Variants in GNL2 observed in about 807,000 individuals in gnomAD.
The protein encoded by GNL2 is G protein nucleolar 2.
GNL2 carries 51 observed loss-of-function variants against 92.3 expected under a neutral mutation model. That is an observed-to-expected ratio of 0.55 (90% CI 0.44 to 0.70). The LOEUF is 0.70. Ranked by LOEUF, GNL2 falls within the 30% of genes least tolerant of loss-of-function variation. GNL2 has a pLI of 0.00. For synonymous variants in GNL2, 283 were observed against 300.6 expected (o/e 0.94, Z 0.61); for missense variants, 844 against 895.6 (o/e 0.94, Z 0.74).
chr1:37,585,940 C>T (rs557966633), intron 5 of GNL2, among the ~76,000 whole-genome samples: 1 of 152,228 alleles, frequency 6.6e-6, no homozygotes, highest in South Asian at 2.1e-4. Context: ...GTGGCAGCTG[C>T]CTATCAAAAA....
At chr1:37,576,597 A>C in intron 8 of GNL2, 41 bp from the exon 9 acceptor site, 2 of 1,594,982 alleles carry the variant, frequency 1.3e-6, no homozygotes, top group Non-Finnish European at 1.7e-6. Context: ...ATGCAGTCAT[A>C]TATATCCCTT....
chr1:37,594,551 C>CT (rs996414509), intron 1 of GNL2, among the ~76,000 whole-genome samples: 2 of 151,836 alleles, frequency 1.3e-5, no homozygotes, highest in Non-Finnish European at 2.9e-5. Flanking sequence ...TTATTATTAT[C>CT]TTTTTTTTGA....
Position 37,590,718 on chromosome 1 carries a change from T to A in GNL2, c.372A>T (p.Arg124=), listed in dbSNP as rs1359444388. 2 of 1,613,678 alleles carry A rather than the reference T, an allele frequency of 1.2e-6. No homozygotes were observed. The highest frequency in any genetic ancestry group is 2.2e-5 in the South Asian group (2 of 91,078). ...SKLPMSLLHD[R]IRPHNLKVHI... is the part of the protein sequence containing the mutation. The stretch of plus-strand genomic sequence containing the variant: ...TCCTACATCTTACATGAGGCCGGAT[T>A]CGATCATGGAGAAGAGACATTGGTA... The change falls in exon 4 of 16, where the codon CGA becomes CGT. Residue 124 remains arginine, a synonymous_variant. Transcript: ENST00000373062.
chr1:37,576,989 G>GT, intron 8 of GNL2, among the ~76,000 whole-genome samples: 1 of 152,204 alleles, frequency 6.6e-6, no homozygotes, highest in East Asian at 1.9e-4. Context: ...GCGCAAGCCT[G>GT]TAATCCCAGC....
At chr1:37,580,143 G>T (rs1643743823) in intron 8 of GNL2, among the ~76,000 whole-genome samples, 1 of 152,094 alleles carries the variant, frequency 6.6e-6, no homozygotes, top group Non-Finnish European at 1.5e-5. Context: ...AATAAGAAAA[G>T]ATTGGCTGGG....
At position 37,569,223 on chromosome 1, in the gene GNL2, C is replaced by A. The variant is rs1396257094; in HGVS notation, c.1496G>T (p.Gly499Val). The A allele has an allele frequency of 2.5e-6, 4 of 1,613,742 alleles. No homozygotes were observed. In the African/African-American group the frequency reaches 4.0e-5, roughly 16 times the overall value. The change falls in exon 13 of 16, where the codon GGT becomes GTT. Residue 499 changes from glycine to valine, a missense_variant. Physicochemically the swap from Gly to Val is moderately radical, Grantham distance 109 (BLOSUM62 -3). Coordinates refer to ENST00000373062, the MANE Select transcript of GNL2 (RefSeq NM_013285.3). The stretch of plus-strand genomic sequence containing the variant: ...CTTAATGATGGATTCTGACCCTTCA[C>A]CTGCAGTTTCTGTGACTTCCTCCCC... ...NPGEEVTETA[G>V]EGSESIIKEE...
chr1:37,572,087 C>A (rs573971923), intron 12 of GNL2, among the ~76,000 whole-genome samples: 2 of 152,138 alleles, frequency 1.3e-5, no homozygotes, highest in African/African-American at 4.8e-5. Flanking sequence ...ATATTAAGGG[C>A]TCTGCTGAAG....
intron 4 of GNL2, among the ~76,000 whole-genome samples, chr1:37,590,424 C>T (rs1225490719): frequency 6.6e-6 from 1 of 152,116 alleles, no homozygotes; most frequent in Non-Finnish European, 1.5e-5. Context: ...ACTTTCAAGG[C>T]AAAGAAGTTA....
chr1:37,585,414 T>G (rs1290318377), intron 5 of GNL2, among the ~76,000 whole-genome samples: 12 of 152,116 alleles, frequency 7.9e-5, no homozygotes, highest in Admixed American at 7.9e-4. Flanking sequence ...AAAAAAAGCA[T>G]GACTGAATTA....
At chr1:37,574,261 C>T in intron 12 of GNL2, 82 bp downstream of exon 12, 5 of 765,612 alleles carry the variant, frequency 6.5e-6, no homozygotes, top group Non-Finnish European at 1.1e-5. Flanking sequence ...AATACACGCT[C>T]TATGAAGAGA....
At chr1:37,585,429 G>A (rs562851370) in intron 5 of GNL2, among the ~76,000 whole-genome samples, 15 of 152,272 alleles carry the variant, frequency 9.9e-5, no homozygotes, top group African/African-American at 3.1e-4. Flanking sequence ...GAATTAGGCA[G>A]TATGTCACAG....
At chr1:37,568,247 C>T (rs376485294) in intron 14 of GNL2, 28 bp downstream of exon 14, 2 of 1,378,420 alleles carry the variant, frequency 1.5e-6, no homozygotes, top group African/African-American at 2.8e-5. Context: ...CAAATTACAT[C>T]TAAATGATTG....
At chr1:37,571,238 T>C (rs1014851941) in intron 12 of GNL2, among the ~76,000 whole-genome samples, 15 of 152,174 alleles carry the variant, frequency 9.9e-5, no homozygotes, top group Non-Finnish European at 7.4e-5. Flanking sequence ...AGGGGGCACT[T>C]TGGCCCATAT....
In GNL2 at chr1:37,574,331, C is replaced by T. The variant is rs1226638090; in HGVS notation, c.1416+12G>A. The T allele has an allele frequency of 6.3e-7, 1 of 1,597,932 alleles. No homozygotes were observed. Among genetic ancestry groups the T allele is most frequent in the South Asian group, 1.1e-5 (1 of 90,314 alleles). On this transcript the variant is annotated intron_variant, in intron 12 of 15. Coordinates refer to ENST00000373062, the MANE Select transcript of GNL2 (RefSeq NM_013285.3). Reference sequence around the variant, plus strand: ...CCCATGCTCCCCAGAGGTGGGCCCACCCTGCTCTTACCTGGGGGGCCACAA... The same window carrying T: ...CCCATGCTCCCCAGAGGTGGGCCCATCCTGCTCTTACCTGGGGGGCCACAA...
rs1454373360 is a variant in GNL2 at position 37,568,255 on chromosome 1, T to C, written c.1951+20A>G. 5.5e-6 allele frequency: 8 copies of C among 1,459,468 alleles called. No homozygotes were observed. The highest frequency in any genetic ancestry group is 1.4e-5 in the African/African-American group (1 of 71,852). 90.4% of individuals were successfully genotyped at this position (1,459,468 alleles called of 1,614,324 possible). A position where few individuals can be genotyped will look rare whatever the true frequency, so the allele number is the denominator to read the frequency against. On this transcript the variant is annotated intron_variant, in intron 14 of 15. Coordinates refer to ENST00000373062, the MANE Select transcript of GNL2 (RefSeq NM_013285.3). ...AAATATGCAAATTACATCTAAATGA[T>C]TGAAATAATTTAACTTCACCTCTGT...
At chr1:37,577,925 TAG>T (rs1291259931) in intron 8 of GNL2, among the ~76,000 whole-genome samples, 1 of 152,176 alleles carries the variant, frequency 6.6e-6, no homozygotes, top group Non-Finnish European at 1.5e-5. Context: ...ATCCTGGATT[TAG>T]AGATAATAAC....
intron 1 of GNL2, among the ~76,000 whole-genome samples, chr1:37,595,167 G>C (rs1643913794): frequency 6.6e-6 from 1 of 152,154 alleles, no homozygotes; most frequent in African/African-American, 2.4e-5. Context: ...TTAAAACAAA[G>C]TTTTATTAAT....
chr1:37,572,598 G>T (rs1643610583), intron 12 of GNL2, among the ~76,000 whole-genome samples: 1 of 152,194 alleles, frequency 6.6e-6, no homozygotes, highest in South Asian at 2.1e-4. Context: ...ACATCAATGT[G>T]TGGAGAGGGC....
intron 9 of GNL2, 129 bp downstream of exon 9, chr1:37,576,299 A>G (rs1643676018): frequency 1.2e-6 from 1 of 807,948 alleles, no homozygotes. Context: ...CCAAACTATT[A>G]TATGGTGAGC....
Sources: gnomAD v4.1 joint callset for allele counts (sites outside exome capture counted in the v4.1 genomes callset) on GRCh38, gnomAD v4.1.1 for gene constraint, MANE v1.5 for transcripts, NCBI Gene and HGNC (gene_info 2026-07-23, HGNC 2026-07-21) for gene names.